KIFAP3: variants seen among roughly 807,000 people sequenced by gnomAD.
KIFAP3 encodes kinesin-associated protein 3.
In KIFAP3, 68 loss-of-function variants were observed where a neutral mutation model predicts 106.5. That is an observed-to-expected ratio of 0.64 (90% CI 0.53 to 0.78). The LOEUF (loss-of-function observed/expected upper bound fraction) is 0.78. Among genes scored for constraint, KIFAP3 ranks in the 30% least tolerant of loss-of-function variants. The pLI, the probability that KIFAP3 is intolerant of heterozygous loss-of-function variation, is 0.00. For missense variants in KIFAP3, 780 were observed against 941.8 expected (o/e 0.83, Z 2.25); for synonymous variants, 320 against 311.5 (o/e 1.03, Z -0.29).
intron 1 of KIFAP3, among the ~76,000 whole-genome samples, chr1:170,084,065 T>C (rs1361943016): frequency 1.3e-5 from 2 of 152,162 alleles, no homozygotes; most frequent in Non-Finnish European, 2.9e-5. Context: ...CTAACACCAA[T>C]GACAGAATCA....
chr1:169,959,433 G>A (rs1311923406), intron 18 of KIFAP3, among the ~76,000 whole-genome samples: 2 of 151,886 alleles, frequency 1.3e-5, no homozygotes. Flanking sequence ...ATATCATCAG[G>A]CTATAGATTA....
intron 18 of KIFAP3, 50 bp downstream of exon 18, chr1:169,960,996 T>A: frequency 6.9e-7 from 1 of 1,455,014 alleles, no homozygotes; most frequent in Non-Finnish European, 9.3e-7. Flanking sequence ...CCGACTAAAA[T>A]CTCTATTCAT....
intron 15 of KIFAP3, 123 bp downstream of exon 15, chr1:169,981,848 TA>T (rs1304784889): frequency 2.8e-6 from 2 of 725,764 alleles, no homozygotes; most frequent in African/African-American, 3.6e-5. Context: ...CTTGATTATA[TA>T]AGTTGCTATG....
At chr1:170,041,088 G>A (rs1290207335) in intron 3 of KIFAP3, among the ~76,000 whole-genome samples, 1 of 152,082 alleles carries the variant, frequency 6.6e-6, no homozygotes, top group East Asian at 1.9e-4. Flanking sequence ...CTCCCAAAGT[G>A]CTGACATTAT....
At chr1:170,083,464 T>C (rs1056391607) in intron 1 of KIFAP3, among the ~76,000 whole-genome samples, 5 of 152,244 alleles carry the variant, frequency 3.3e-5, no homozygotes, top group African/African-American at 1.2e-4. Context: ...TTAGTGTGCC[T>C]GTTCTACCGC....
At chr1:169,962,395 A>G (rs1333005396) in intron 17 of KIFAP3, among the ~76,000 whole-genome samples, 1 of 152,158 alleles carries the variant, frequency 6.6e-6, no homozygotes, top group African/African-American at 2.4e-5. Context: ...TGCAGCTACT[A>G]CTGAGTAGTG....
Position 170,041,773 on chromosome 1 carries a change from T to G in KIFAP3, c.320-2485A>C, listed in dbSNP as rs866863640. 7.6e-5 allele frequency: 116 copies of G among 1,532,210 alleles called. No homozygotes were observed. The African/African-American group carries it at 1.4e-3, about 18-fold the overall frequency. 94.9% of individuals were successfully genotyped at this position (1,532,210 alleles called of 1,614,324 possible). A position where few individuals can be genotyped will look rare whatever the true frequency, so the allele number is the denominator to read the frequency against. On this transcript the variant is annotated intron_variant, in intron 3 of 19. Transcript: ENST00000361580. ...AGGGCAATCGACATCCCTTTTGCCT[T>G]CTCCTGATCTGTTGGCCTCCTTAAA... is the stretch of plus-strand genomic sequence containing the variant.
At chr1:169,969,517 T>C (rs1044497741) in intron 17 of KIFAP3, among the ~76,000 whole-genome samples, 1 of 152,074 alleles carries the variant, frequency 6.6e-6, no homozygotes, top group African/African-American at 2.4e-5. Context: ...TTTCCAAGTT[T>C]AGAATATTAG....
intron 1 of KIFAP3, among the ~76,000 whole-genome samples, chr1:170,069,463 C>T (rs1475261098): frequency 6.6e-6 from 1 of 152,010 alleles, no homozygotes; most frequent in Non-Finnish European, 1.5e-5. Context: ...CCTCAAAATA[C>T]TAGCAAACAG....
intron 2 of KIFAP3, among the ~76,000 whole-genome samples, chr1:170,049,022 G>T (rs1013503508): frequency 7.9e-5 from 12 of 152,218 alleles, no homozygotes; most frequent in Admixed American, 2.0e-4. Context: ...GAGCCAAGTG[G>T]TCTCACTCAG....
At position 170,024,505 on chromosome 1, in the gene KIFAP3, G is replaced by A; in HGVS notation, c.933C>T (p.Ala311=). 6.2e-7 allele frequency: 1 copy of A among 1,606,508 alleles called. No individual in the cohort carries two copies. Among genetic ancestry groups the A allele is most frequent in the Non-Finnish European group, 8.5e-7 (1 of 1,175,800 alleles). ...GCAGCTCAAAATTGTCCCGATCAAG[G>A]GCTTTCACCAACATGTGAACTATGT... ...NKNIVHMLVK[A]LDRDNFELLI... Residue 311 remains alanine, a synonymous_variant, in exon 9 of 20, where the codon GCC becomes GCT. Coordinates refer to ENST00000361580, the MANE Select transcript of KIFAP3 (RefSeq NM_014970.4).
At chr1:169,951,941 T>G (rs1482350645) in intron 19 of KIFAP3, among the ~76,000 whole-genome samples, 2 of 151,962 alleles carry the variant, frequency 1.3e-5, no homozygotes, top group Non-Finnish European at 2.9e-5. Context: ...TCTAAATCAT[T>G]TCATCCTTTC....
In KIFAP3 at chr1:170,065,809, T is replaced by G. The variant is rs144882374; in HGVS notation, c.32+8627A>C. ...GTACTAACCACGTTCAAAGTGTTCATTAGCCATACAGCCAGTGGCTATGTA... is the reference window on the plus strand; with the variant it reads ...GTACTAACCACGTTCAAAGTGTTCAGTAGCCATACAGCCAGTGGCTATGTA... On this transcript the variant is annotated intron_variant, in intron 1 of 19. Transcript: ENST00000361580. 2.0e-3 allele frequency among the ~76,000 whole-genome samples: 300 copies of G among 152,292 alleles called. 1 individual carries two copies. In the Middle Eastern group the frequency reaches 0.027, roughly 14 times the overall value.
intron 9 of KIFAP3, among the ~76,000 whole-genome samples, chr1:170,023,250 A>G (rs1425275364): frequency 1.3e-5 from 2 of 152,116 alleles, no homozygotes; most frequent in East Asian, 3.8e-4. Context: ...CATAAATTCA[A>G]TAATTATAAT....
chr1:169,972,180 A>C (rs989965892), intron 17 of KIFAP3, among the ~76,000 whole-genome samples: 21 of 151,996 alleles, frequency 1.4e-4, no homozygotes, highest in African/African-American at 5.1e-4. Flanking sequence ...TAATGGCCAA[A>C]CCACAAAATT....
chr1:169,961,299 T>A, intron 17 of KIFAP3, 64 bp from the exon 18 acceptor site: 3 of 1,301,706 alleles, frequency 2.3e-6, no homozygotes, highest in Non-Finnish European at 3.3e-6. Flanking sequence ...CAGACGGCAA[T>A]ATTTTTATCT....
At chr1:169,993,623 AGG>A (rs879637791) in intron 10 of KIFAP3, among the ~76,000 whole-genome samples, 61,776 of 84,220 alleles carry the variant, frequency 0.73, 30,854 homozygotes, top group African/African-American at 0.77. Context: ...AGCAAGCTTC[AGG>A]CAGGTGATTT....
intron 1 of KIFAP3, among the ~76,000 whole-genome samples, chr1:170,073,656 A>G (rs1671799781): frequency 6.6e-6 from 1 of 152,184 alleles, no homozygotes; most frequent in Non-Finnish European, 1.5e-5. Context: ...GTACTGAATT[A>G]AAATTTTTTT....
At chr1:170,084,144 T>C (rs1023633275) in intron 1 of KIFAP3, among the ~76,000 whole-genome samples, 4 of 152,180 alleles carry the variant, frequency 2.6e-5, no homozygotes, top group African/African-American at 9.7e-5. Context: ...TTTAGAGATA[T>C]AGGAGTCAGT....
Sources: allele counts gnomAD v4.1 joint callset (sites outside exome capture counted in the v4.1 genomes callset), GRCh38; gene constraint gnomAD v4.1.1; transcripts MANE v1.5; gene names NCBI Gene and HGNC (gene_info 2026-07-23, HGNC 2026-07-21).